Variants in ABHD2 observed in about 807,000 individuals in gnomAD.
ABHD2 encodes monoacylglycerol lipase ABHD2.
ABHD2 carries 20 observed loss-of-function variants against 48.1 expected under a neutral mutation model. The observed-to-expected ratio is 0.42, with a 90% CI of 0.29 to 0.60. The LOEUF (loss-of-function observed/expected upper bound fraction) is 0.60, where lower values mean the gene tolerates loss of function less well. Among genes scored for constraint, ABHD2 ranks in the 20% least tolerant of loss-of-function variants. The pLI, the probability that ABHD2 is intolerant of heterozygous loss-of-function variation, is 0.24. For missense variants in ABHD2, 405 were observed against 550.9 expected, an observed-to-expected ratio of 0.74 and a Z score of 2.65; for synonymous variants, 209 against 214.2, an observed-to-expected ratio of 0.98 and a Z score of 0.21.
At chr15:89,055,587 G>T in the ABHD2 span, among the ~76,000 whole-genome samples, 9 of 151,918 alleles carry the variant, frequency 5.9e-5, no homozygotes, top group African/African-American at 9.7e-5. Context: ...CGCTGGCCTC[G>T]GCCTCCCAAA....
At chr15:89,047,881 C>A in the ABHD2 span, among the ~76,000 whole-genome samples, 3 of 146,026 alleles carry the variant, frequency 2.1e-5, no homozygotes, top group Admixed American at 6.9e-5. Flanking sequence ...TTAATTGGAG[C>A]ATTTAGTCCA....
chr15:89,116,943 G>A lies in ABHD2; in HGVS notation c.194+422G>A, dbSNP rs1429156642. Among the ~76,000 whole-genome samples, 1 of 152,208 alleles carries A rather than the reference G, an allele frequency of 6.6e-6. No individual in the cohort carries two copies. Among genetic ancestry groups the A allele is most frequent in the Admixed American group, 6.5e-5 (1 of 15,274 alleles). Reference sequence around the variant, plus strand: ...TTGAGTACTCTCCATCTGCCTTGTTGAAAAATGTACCAAGCATTAGCTAAG... The same window carrying A: ...TTGAGTACTCTCCATCTGCCTTGTTAAAAAATGTACCAAGCATTAGCTAAG... On this transcript the variant is annotated intron_variant, in intron 3 of 10. Transcript: ENST00000352732. The surrounding 1 kb of genome is among the most constrained non-coding windows in gnomAD (Gnocchi z 4.6).
chr15:89,088,439 C>T (rs965921653), upstream of ABHD2: 2 of 153,062 alleles, frequency 1.3e-5, no homozygotes, highest in African/African-American at 4.8e-5. The surrounding 1 kb of genome is among the most constrained non-coding windows in gnomAD (Gnocchi z 6.8). Flanking sequence ...TGGGCGGGGC[C>T]GGTAGCGGCG....
At chr15:89,066,894 C>T in the ABHD2 span, among the ~76,000 whole-genome samples, 2 of 152,346 alleles carry the variant, frequency 1.3e-5, no homozygotes, top group East Asian at 3.9e-4. Flanking sequence ...GTCCTTTCTC[C>T]AGATGCCATG....
chr15:89,047,799 G>A, the ABHD2 span, among the ~76,000 whole-genome samples: 35 of 147,620 alleles, frequency 2.4e-4, no homozygotes, highest in Non-Finnish European at 4.3e-4. Context: ...GTCTCTGCAT[G>A]TGAGATGGGT....
intron 2 of ABHD2, among the ~76,000 whole-genome samples, chr15:89,115,711 C>T (rs1384853292): frequency 2.0e-5 from 3 of 152,146 alleles, no homozygotes; most frequent in Non-Finnish European, 4.4e-5. Flanking sequence ...GACTCCAGCA[C>T]TGGGGAGCCT....
intron 9 of ABHD2, among the ~76,000 whole-genome samples, chr15:89,192,099 T>G (rs1195036700): frequency 6.6e-6 from 1 of 152,232 alleles, no homozygotes; most frequent in African/African-American, 2.4e-5. Context: ...ATTGCCCTAT[T>G]TATCCAAACA....
intron 3 of ABHD2, among the ~76,000 whole-genome samples, chr15:89,138,563 GA>G (rs894553582): frequency 2.0e-5 from 3 of 152,062 alleles, no homozygotes; most frequent in Admixed American, 6.6e-5. Flanking sequence ...ATCTTCTGCA[GA>G]AAAAAACTCC....
At chr15:89,098,173 C>G (rs770968015) in intron 1 of ABHD2, among the ~76,000 whole-genome samples, 2 of 152,152 alleles carry the variant, frequency 1.3e-5, no homozygotes, top group African/African-American at 2.4e-5. Context: ...CGCCATGGCA[C>G]CCAGGCAAAT....
chr15:89,057,282 A>G, the ABHD2 span, among the ~76,000 whole-genome samples: 1 of 152,310 alleles, frequency 6.6e-6, no homozygotes, highest in Non-Finnish European at 1.5e-5. Context: ...CTTTGTAAGC[A>G]TGTGAGTTCT....
chr15:89,149,820 G>A (rs1043332462), intron 3 of ABHD2, among the ~76,000 whole-genome samples: 5 of 152,252 alleles, frequency 3.3e-5, no homozygotes, highest in African/African-American at 4.8e-5. Context: ...GTACCAGGGT[G>A]TAGCCGGCCT....
chr15:89,072,318 A>G, the ABHD2 span, among the ~76,000 whole-genome samples: 9 of 151,268 alleles, frequency 5.9e-5, no homozygotes, highest in Non-Finnish European at 1.2e-4. Context: ...TCTACTAAAA[A>G]TACAAAAATT....
the ABHD2 span, among the ~76,000 whole-genome samples, chr15:89,072,303 C>T: frequency 6.6e-6 from 1 of 151,906 alleles, no homozygotes; most frequent in Non-Finnish European, 1.5e-5. Flanking sequence ...TGGCGAAACC[C>T]TGTCTCTACT....
chr15:89,060,025 A>G, the ABHD2 span, among the ~76,000 whole-genome samples: 1 of 149,862 alleles, frequency 6.7e-6, no homozygotes, highest in Admixed American at 6.6e-5. Flanking sequence ...TTCAGACAGC[A>G]GTGTCTCATT....
rs928517561 is a variant in ABHD2 at position 89,196,772 on chromosome 15, G to A, written c.*1349G>A. On this transcript the variant is annotated 3_prime_UTR_variant, in exon 11 of 11. Transcript: ENST00000352732. ...TTGAAACCAGATTTTTAATTTAATA[G>A]CCTATATTTGTAGTCTGTTGGATAG... 6.6e-6 allele frequency: 1 copy of A among 152,486 alleles called. No homozygotes were observed. Among genetic ancestry groups the A allele is most frequent in the African/African-American group, 2.4e-5 (1 of 41,398 alleles). 9.4% of individuals were successfully genotyped at this position (152,486 alleles called of 1,614,324 possible).
Position 89,092,157 on chromosome 15 carries a change from C to T in ABHD2, c.-107+3594C>T, listed in dbSNP as rs1276831854. On this transcript the variant is annotated intron_variant, in intron 1 of 10. Coordinates refer to ENST00000352732, the MANE Select transcript of ABHD2 (RefSeq NM_152924.5). The surrounding 1 kb of genome is among the most constrained non-coding windows in gnomAD (Gnocchi z 4.4). ...TTGTAAAATGGTTGGTGTGGACAGA[C>T]GATAAGCTCCACCATTACCCCTGAA... 2.6e-5 allele frequency among the ~76,000 whole-genome samples: 4 copies of T among 152,184 alleles called. No individual in the cohort carries two copies. Among genetic ancestry groups the T allele is most frequent in the African/African-American group, 4.8e-5 (2 of 41,440 alleles).
At chr15:89,048,717 C>A in the ABHD2 span, among the ~76,000 whole-genome samples, 2 of 152,200 alleles carry the variant, frequency 1.3e-5, no homozygotes, top group South Asian at 2.1e-4. Context: ...GCATTCTTCA[C>A]GTAGTTCTCG....
At chr15:89,157,900 C>T (rs922601261) in intron 5 of ABHD2, among the ~76,000 whole-genome samples, 1 of 151,776 alleles carries the variant, frequency 6.6e-6, no homozygotes, top group African/African-American at 2.4e-5. Context: ...ATAGCACAGG[C>T]ACAGGGTGAA....
At chr15:89,099,677 T>A (rs1471096147) in intron 1 of ABHD2, among the ~76,000 whole-genome samples, 1 of 151,814 alleles carries the variant, frequency 6.6e-6, no homozygotes, top group African/African-American at 2.4e-5. Context: ...CCCAGCACTT[T>A]GGGAGGCCGA....
Sources: allele counts gnomAD v4.1 joint callset (sites outside exome capture counted in the v4.1 genomes callset), GRCh38; gene constraint gnomAD v4.1.1; non-coding constraint Gnocchi (gnomAD v3.1); transcripts MANE v1.5; gene names NCBI Gene and HGNC (gene_info 2026-07-23, HGNC 2026-07-21).